Variants in SLCO1B3 observed in about 807,000 individuals in gnomAD.
SLCO1B3 encodes solute carrier organic anion transporter family member 1B3.
SLCO1B3 carries 72 observed loss-of-function variants against 71.8 expected under a neutral mutation model. That is an observed-to-expected ratio of 1.00 (90% CI 0.83 to 1.22). The LOEUF is 1.22. Ranked by LOEUF, SLCO1B3 falls within the 50% of genes most tolerant of loss-of-function variation. The probability of loss-of-function intolerance (pLI) is 0.00; values close to 1 mark genes in which losing one functional copy is unlikely to be tolerated. For missense variants in SLCO1B3, 911 were observed against 819.7 expected, an observed-to-expected ratio of 1.11 and a Z score of -1.36; for synonymous variants, 298 against 278.4, an observed-to-expected ratio of 1.07 and a Z score of -0.70.
chr12:20,863,680 C>T (rs1007728885), intron 8 of SLCO1B3, among the ~76,000 whole-genome samples: 8 of 152,120 alleles, frequency 5.3e-5, no homozygotes, highest in African/African-American at 1.7e-4. Flanking sequence ...CATCTATGTA[C>T]ACATACACAT....
chr12:20,871,769 A>T (rs1205685744), intron 8 of SLCO1B3, among the ~76,000 whole-genome samples: 1 of 152,118 alleles, frequency 6.6e-6, no homozygotes, highest in Non-Finnish European at 1.5e-5. Context: ...CTGGGGGTTC[A>T]CTGATGCAAG....
intron 3 of SLCO1B3, among the ~76,000 whole-genome samples, chr12:20,838,590 C>T (rs991178508): frequency 6.6e-6 from 1 of 152,030 alleles, no homozygotes; most frequent in Non-Finnish European, 1.5e-5. Flanking sequence ...TGCTAGACAC[C>T]TAGGCTATAT....
chr12:20,846,924 T>A (rs1386137673), intron 3 of SLCO1B3, among the ~76,000 whole-genome samples: 1 of 152,168 alleles, frequency 6.6e-6, no homozygotes, highest in African/African-American at 2.4e-5. Context: ...TGTCTCTTCC[T>A]GCCAGTGACA....
intron 3 of SLCO1B3, among the ~76,000 whole-genome samples, chr12:20,844,495 G>C (rs528648273): frequency 4.0e-5 from 6 of 150,262 alleles, no homozygotes; most frequent in Non-Finnish European, 8.9e-5. Context: ...TTGAACCTAG[G>C]AGGCAGTGGT....
chr12:20,861,922 A>G (rs1865273924), intron 6 of SLCO1B3, among the ~76,000 whole-genome samples: 1 of 139,938 alleles, frequency 7.1e-6, no homozygotes, highest in Non-Finnish European at 1.6e-5. Context: ...CACAGCCATG[A>G]CATCCATGTT....
At chr12:20,871,799 C>T (rs1371557866) in intron 8 of SLCO1B3, among the ~76,000 whole-genome samples, 1 of 152,096 alleles carries the variant, frequency 6.6e-6, no homozygotes, top group Non-Finnish European at 1.5e-5. Context: ...TTGTGGCCCC[C>T]CAACCACTGA....
chr12:20,822,507 G>A (rs567836836), intron 3 of SLCO1B3, among the ~76,000 whole-genome samples: 47 of 152,118 alleles, frequency 3.1e-4, no homozygotes, highest in Non-Finnish European at 5.9e-4. Flanking sequence ...GTTAAGGCGG[G>A]GCAGGGCCTT....
At chr12:20,863,778 T>A in intron 8 of SLCO1B3, among the ~76,000 whole-genome samples, 1 of 152,118 alleles carries the variant, frequency 6.6e-6, no homozygotes, top group Non-Finnish European at 1.5e-5. Context: ...TCATCTAACA[T>A]AAGTATCTCA....
chr12:20,898,988 A>G (rs1866075032), intron 14 of SLCO1B3, among the ~76,000 whole-genome samples: 1 of 152,192 alleles, frequency 6.6e-6, no homozygotes, highest in South Asian at 2.1e-4. Context: ...ATGGCTGGAC[A>G]GCTAACCATT....
intron 8 of SLCO1B3, among the ~76,000 whole-genome samples, chr12:20,864,769 C>T (rs1865339899): frequency 6.6e-6 from 1 of 152,108 alleles, no homozygotes; most frequent in Non-Finnish European, 1.5e-5. Flanking sequence ...TTCTCTTATT[C>T]TGTGAGAAGC....
chr12:20,910,697 G>A (rs1356440797), intron 15 of SLCO1B3, among the ~76,000 whole-genome samples: 3 of 151,992 alleles, frequency 2.0e-5, no homozygotes, highest in African/African-American at 7.2e-5. Flanking sequence ...TATACCCAAT[G>A]TTTCATTTTT....
intron 3 of SLCO1B3, among the ~76,000 whole-genome samples, chr12:20,827,790 G>A (rs892976438): frequency 1.3e-5 from 2 of 152,034 alleles, no homozygotes; most frequent in East Asian, 1.9e-4. Context: ...GGCTGCTCTC[G>A]AACTCCTGAC....
In SLCO1B3 at chr12:20,892,024, T is replaced by C. The variant is rs554431477; in HGVS notation, c.1683-6412T>C. Among the ~76,000 whole-genome samples, 5 of 152,240 alleles carry C rather than the reference T, an allele frequency of 3.3e-5. No individual in the cohort carries two copies. In the East Asian group the frequency reaches 9.6e-4, roughly 29 times the overall value. On this transcript the variant is annotated intron_variant, in intron 13 of 15. Coordinates refer to ENST00000381545, the MANE Select transcript of SLCO1B3 (RefSeq NM_019844.4). Reference sequence around the variant, plus strand: ...AGGTCTTATTTCTCGAAGACTTCTTTAGAATCAATATTTTGGATTCTTTAT... The same window carrying C: ...AGGTCTTATTTCTCGAAGACTTCTTCAGAATCAATATTTTGGATTCTTTAT...
chr12:20,883,659 A>T, intron 13 of SLCO1B3, 57 bp downstream of exon 13: 1 of 1,100,962 alleles, frequency 9.1e-7, no homozygotes, highest in East Asian at 2.9e-5. Context: ...ACACCTAATG[A>T]TAGGCATATT....
chr12:20,857,514 T>C (rs1235987190), intron 4 of SLCO1B3, among the ~76,000 whole-genome samples: 1 of 152,014 alleles, frequency 6.6e-6, no homozygotes, highest in Non-Finnish European at 1.5e-5. Flanking sequence ...AGTTCTAATT[T>C]GTAAATTTTT....
At chr12:20,815,863 G>T in intron 3 of SLCO1B3, 41 bp downstream of exon 3, 1 of 1,350,764 alleles carries the variant, frequency 7.4e-7, no homozygotes, top group Non-Finnish European at 1.0e-6. Flanking sequence ...ATAAGTTAAT[G>T]GAAAATTTTT....
rs139465831 is a variant in SLCO1B3 at position 20,902,931 on chromosome 12, G to T, written c.1865+1464G>T. Among the ~76,000 whole-genome samples the T allele has an allele frequency of 1.4e-4, 21 of 152,070 alleles. No individual in the cohort carries two copies. The East Asian group carries it at 4.1e-3, about 29-fold the overall frequency. ...TAAAAATACAAAAAAAAATTAGCCA[G>T]GCATTGTGGTACATGCCTGTAATCT... On this transcript the variant is annotated intron_variant, in intron 15 of 15. Coordinates refer to ENST00000381545, the MANE Select transcript of SLCO1B3 (RefSeq NM_019844.4).
At chr12:20,912,816 C>A (rs532877253) in intron 15 of SLCO1B3, among the ~76,000 whole-genome samples, 3 of 135,762 alleles carry the variant, frequency 2.2e-5, no homozygotes, top group Non-Finnish European at 4.9e-5. Flanking sequence ...GCCACTGCGC[C>A]CAGCCTTTTT....
intron 13 of SLCO1B3, among the ~76,000 whole-genome samples, chr12:20,894,526 C>T (rs1865965229): frequency 6.6e-6 from 1 of 152,132 alleles, no homozygotes; most frequent in Admixed American, 6.5e-5. Context: ...CATGCCACCC[C>T]TTCCCCTGGG....
Sources: gnomAD v4.1 joint callset for allele counts (sites outside exome capture counted in the v4.1 genomes callset) on GRCh38, gnomAD v4.1.1 for gene constraint, MANE v1.5 for transcripts, NCBI Gene and HGNC (gene_info 2026-07-23, HGNC 2026-07-21) for gene names.